The following PDK1 variants were observed in gnomAD, a reference collection of about 807,000 sequenced individuals.
PDK1 encodes [Pyruvate dehydrogenase (acetyl-transferring)] kinase isozyme 1, mitochondrial.
PDK1 carries 39 observed loss-of-function variants against 54.2 expected under a neutral mutation model. That is an observed-to-expected ratio of 0.72 (90% CI 0.56 to 0.94). The LOEUF is 0.94. Ranked by LOEUF, PDK1 falls within the 40% of genes least tolerant of loss-of-function variation. PDK1 has a pLI of 0.00. For synonymous variants in PDK1, 221 were observed against 207.1 expected (o/e 1.07, Z -0.58); for missense variants, 552 against 566.0 (o/e 0.98, Z 0.25).
At chr2:172,578,523 A>T (rs2149254748) in intron 8 of PDK1, among the ~76,000 whole-genome samples, 1 of 151,662 alleles carries the variant, frequency 6.6e-6, no homozygotes, top group South Asian at 2.1e-4. Flanking sequence ...CTTATACTTT[A>T]GTTCTTTAGT....
intron 8 of PDK1, among the ~76,000 whole-genome samples, chr2:172,584,982 T>A (rs199686781): frequency 6.6e-6 from 1 of 152,026 alleles, no homozygotes; most frequent in Admixed American, 6.6e-5. Context: ...TATATGCTTT[T>A]CTTTTTTTGT....
the PDK1 span, among the ~76,000 whole-genome samples, chr2:172,695,726 G>A: frequency 6.6e-6 from 1 of 152,156 alleles, no homozygotes. Context: ...GGAAAAGACA[G>A]GTGGCAAGGA....
the PDK1 span, among the ~76,000 whole-genome samples, chr2:172,697,870 T>C: frequency 5.9e-5 from 9 of 152,180 alleles, no homozygotes; most frequent in African/African-American, 2.2e-4. Flanking sequence ...AAAATTGCAG[T>C]GTATCCTCAC....
At position 172,570,765 on chromosome 2, in the gene PDK1, G is replaced by A; in HGVS notation, c.886G>A (p.Gly296Ser). The A allele has an allele frequency of 6.2e-7, 1 of 1,612,068 alleles. No individual in the cohort carries two copies. Among genetic ancestry groups the A allele is most frequent in the South Asian group, 1.1e-5 (1 of 90,986 alleles). ...RATMEHHANR[G>S]VYPPIQVHVT... ...CACTATGGAACACCATGCCAACAGA[G>A]GTGTTTACCCCCCTATTCAAGTTCA... is the stretch of plus-strand genomic sequence containing the variant. The change falls in exon 8 of 11, where the codon GGT (glycine) becomes AGT (serine). Residue 296 changes from glycine (G) to serine (S), a missense_variant. Transcript: ENST00000282077.
At chr2:172,693,832 T>C in the PDK1 span, among the ~76,000 whole-genome samples, 7 of 152,216 alleles carry the variant, frequency 4.6e-5, no homozygotes, top group East Asian at 1.4e-3. Context: ...CCTCTTGTCT[T>C]ATGCAGGAAC....
chr2:172,617,465 G>T, the PDK1 span, among the ~76,000 whole-genome samples: 1 of 152,112 alleles, frequency 6.6e-6, no homozygotes, highest in East Asian at 1.9e-4. Flanking sequence ...TCTGGAGGAT[G>T]AAAGTCCAAG....
chr2:172,655,450 C>G, the PDK1 span, among the ~76,000 whole-genome samples: 20 of 152,302 alleles, frequency 1.3e-4, no homozygotes, highest in African/African-American at 4.6e-4. Context: ...GAGCTCATTC[C>G]ACTCCTTTGG....
At chr2:172,624,098 C>T in the PDK1 span, among the ~76,000 whole-genome samples, 2 of 152,170 alleles carry the variant, frequency 1.3e-5, no homozygotes, top group Non-Finnish European at 2.9e-5. Context: ...CTCTGGGGTG[C>T]GTCTCAGGCT....
chr2:172,683,899 G>A, the PDK1 span, among the ~76,000 whole-genome samples: 1 of 152,212 alleles, frequency 6.6e-6, no homozygotes, highest in African/African-American at 2.4e-5. Flanking sequence ...CCCAGAGGAA[G>A]ACTGGAATGG....
the PDK1 span, among the ~76,000 whole-genome samples, chr2:172,695,955 C>G: frequency 6.6e-6 from 1 of 151,802 alleles, no homozygotes; most frequent in South Asian, 2.1e-4. Context: ...GGTGGATCAC[C>G]TGAGATCAGA....
chr2:172,722,544 G>A, the PDK1 span, among the ~76,000 whole-genome samples: 5 of 152,228 alleles, frequency 3.3e-5, no homozygotes, highest in African/African-American at 7.2e-5. Context: ...GATTTCATCT[G>A]ATGTATTGAC....
At chr2:172,648,868 A>G in the PDK1 span, among the ~76,000 whole-genome samples, 1,284 of 152,366 alleles carry the variant, frequency 8.4e-3, 21 homozygotes, top group African/African-American at 0.028. Context: ...CCGCAGCTTA[A>G]GGAGGCCTGC....
At chr2:172,569,036 C>A (rs1034908654) in intron 7 of PDK1, among the ~76,000 whole-genome samples, 1 of 152,130 alleles carries the variant, frequency 6.6e-6, no homozygotes, top group Non-Finnish European at 1.5e-5. Context: ...GGGTTTGAAT[C>A]CCAATTATGG....
chr2:172,615,993 C>T, the PDK1 span, among the ~76,000 whole-genome samples: 9 of 152,106 alleles, frequency 5.9e-5, no homozygotes, highest in Admixed American at 5.9e-4. Context: ...AGAAAGCCAG[C>T]CAGCCAAATC....
Position 172,592,639 on chromosome 2 carries a change from A to T in PDK1, c.1057-296A>T, listed in dbSNP as rs79551120. 1.0e-2 allele frequency among the ~76,000 whole-genome samples: 1,515 copies of T among 152,260 alleles called. 34 individuals carry two copies. Among genetic ancestry groups the T allele is most frequent in the African/African-American group, 0.035 (1,437 of 41,546 alleles). On this transcript the variant is annotated intron_variant, in intron 9 of 10. Coordinates refer to ENST00000282077, the MANE Select transcript of PDK1 (RefSeq NM_002610.5). ...CTGGAAGGAACCAATTCCAGACACA[A>T]TACGACCGAGCAGGCCAGCAAGGAA...
chr2:172,702,577 T>G, the PDK1 span, among the ~76,000 whole-genome samples: 1 of 150,968 alleles, frequency 6.6e-6, no homozygotes, highest in Admixed American at 6.6e-5. Context: ...CCAAAAGCTC[T>G]GTTCAGCTTC....
the PDK1 span, among the ~76,000 whole-genome samples, chr2:172,706,424 CT>C: frequency 1.4e-3 from 194 of 141,134 alleles, no homozygotes; most frequent in Middle Eastern, 3.8e-3. Context: ...TGTCAATTGT[CT>C]TTTTTTTTTT....
chr2:172,646,789 G>A, the PDK1 span, among the ~76,000 whole-genome samples: 2 of 114,822 alleles, frequency 1.7e-5, no homozygotes, highest in South Asian at 5.6e-4. Flanking sequence ...CCAGGCTGGA[G>A]TGCAATGGCA....
At chr2:172,718,202 C>G in the PDK1 span, among the ~76,000 whole-genome samples, 43 of 152,208 alleles carry the variant, frequency 2.8e-4, no homozygotes, top group Non-Finnish European at 4.9e-4. Flanking sequence ...GAGAAATCAG[C>G]CTTTAGTTTT....
Sources: gnomAD v4.1 joint callset for allele counts (sites outside exome capture counted in the v4.1 genomes callset) on GRCh38, gnomAD v4.1.1 for gene constraint, MANE v1.5 for transcripts, NCBI Gene and HGNC (gene_info 2026-07-23, HGNC 2026-07-21) for gene names.